MIPEP: variants seen among roughly 807,000 people sequenced by gnomAD.
MIPEP encodes the protein mitochondrial intermediate peptidase.
In MIPEP, 79 loss-of-function variants were observed where a neutral mutation model predicts 90.3. The observed-to-expected ratio is 0.87, with a 90% confidence interval of 0.73 to 1.05. The LOEUF (loss-of-function observed/expected upper bound fraction) is 1.05. MIPEP is among the 50% of genes least tolerant of loss of function. The pLI is 0.00. For synonymous variants in MIPEP, 334 were observed against 315.8 expected, an observed-to-expected ratio of 1.06 and a Z score of -0.61; for missense variants, 940 against 905.6, an observed-to-expected ratio of 1.04 and a Z score of -0.49.
chr13:23,799,123 C>T (rs1953003331), intron 16 of MIPEP, among the ~76,000 whole-genome samples: 1 of 149,138 alleles, frequency 6.7e-6, no homozygotes, highest in Non-Finnish European at 1.5e-5. Flanking sequence ...CCTGCCTCAG[C>T]CTCCCCAGTA....
chr13:23,845,202 TG>T (rs1262112670), intron 10 of MIPEP, among the ~76,000 whole-genome samples: 1 of 152,248 alleles, frequency 6.6e-6, no homozygotes, highest in Admixed American at 6.5e-5. Flanking sequence ...AAATATAACT[TG>T]GAATACTTTC....
At chr13:23,734,764 A>G (rs1860479583) in intron 18 of MIPEP, among the ~76,000 whole-genome samples, 1 of 152,004 alleles carries the variant, frequency 6.6e-6, no homozygotes, top group Non-Finnish European at 1.5e-5. Context: ...GCCAGAAGAC[A>G]TCGTCGCCCA....
At chr13:23,799,653 C>T (rs538813045) in intron 16 of MIPEP, among the ~76,000 whole-genome samples, 10 of 152,282 alleles carry the variant, frequency 6.6e-5, no homozygotes, top group African/African-American at 2.2e-4. Flanking sequence ...AATGCTAACA[C>T]GGTGTCACTA....
At chr13:23,768,111 G>A (rs965045858) in intron 16 of MIPEP, among the ~76,000 whole-genome samples, 1 of 151,360 alleles carries the variant, frequency 6.6e-6, no homozygotes, top group African/African-American at 2.4e-5. Context: ...TTGAAATGGT[G>A]AAGACTGGAA....
In MIPEP at chr13:23,817,538, C is replaced by T. The variant is rs145352097; in HGVS notation, c.1654-7614G>A. Among the ~76,000 whole-genome samples, 923 of 152,160 alleles carry T rather than the reference C, an allele frequency of 6.1e-3. 4 individuals carry two copies. Among genetic ancestry groups the T allele is most frequent in the Admixed American group, 0.013 (197 of 15,278 alleles). ...ACCAAACCTCACTGCAGTAGCCCCC[C>T]GATAAAGTCTGCCTTACTGTTCTTT... On this transcript the variant is annotated intron_variant, in intron 14 of 18. Transcript: ENST00000382172.
At chr13:23,792,197 G>C (rs1289802538) in intron 16 of MIPEP, among the ~76,000 whole-genome samples, 5 of 152,112 alleles carry the variant, frequency 3.3e-5, no homozygotes, top group Admixed American at 3.3e-4. Flanking sequence ...ATCTCACCCA[G>C]TTCCTTGGCT....
Position 23,773,659 on chromosome 13 carries a change from G to A in MIPEP, c.1849-13442C>T, listed in dbSNP as rs187050303. ...CCATCTTTTTATTATATCCATCCCA[G>A]TGGGAATGAAGTAGTCTCGCACTGT... On this transcript the variant is annotated intron_variant, in intron 16 of 18. Transcript: ENST00000382172. Among the ~76,000 whole-genome samples, 6 of 152,202 alleles carry A rather than the reference G, an allele frequency of 3.9e-5. No homozygotes were observed. In the East Asian group the frequency reaches 9.6e-4, roughly 24 times the overall value.
intron 14 of MIPEP, among the ~76,000 whole-genome samples, chr13:23,814,536 C>T (rs1358242636): frequency 6.6e-6 from 1 of 152,178 alleles, no homozygotes; most frequent in Non-Finnish European, 1.5e-5. Context: ...GCTGGGATTA[C>T]AGGTGTGAGC....
chr13:23,885,727 G>A (rs1194279710), intron 2 of MIPEP, among the ~76,000 whole-genome samples: 1 of 150,532 alleles, frequency 6.6e-6, no homozygotes, highest in African/African-American at 2.4e-5. Context: ...GTCAAAACTT[G>A]GTTTTTAATT....
chr13:23,734,831 T>C (rs1306675903), intron 18 of MIPEP, among the ~76,000 whole-genome samples: 1 of 152,168 alleles, frequency 6.6e-6, no homozygotes, highest in African/African-American at 2.4e-5. Context: ...GTAGGAGTTA[T>C]TGATAAATTA....
At chr13:23,845,511 C>T (rs905352739) in intron 10 of MIPEP, among the ~76,000 whole-genome samples, 4 of 152,216 alleles carry the variant, frequency 2.6e-5, no homozygotes, top group African/African-American at 9.7e-5. Flanking sequence ...ACTTCCCTGC[C>T]TTGGTCTGCC....
chr13:23,872,889 ATAGC>A (rs1273535899), intron 5 of MIPEP, among the ~76,000 whole-genome samples: 3 of 152,218 alleles, frequency 2.0e-5, no homozygotes, highest in African/African-American at 7.2e-5. Context: ...AAACTTGATG[ATAGC>A]TAGCATTATC....
intron 9 of MIPEP, 81 bp from the exon 10 acceptor site, chr13:23,858,993 T>C (rs1156792302): frequency 1.8e-6 from 2 of 1,109,016 alleles, no homozygotes; most frequent in Non-Finnish European, 2.7e-6. Context: ...GCCTATAGAA[T>C]GTAAACCAGC....
chr13:23,844,872 T>C (rs990142827), intron 10 of MIPEP, among the ~76,000 whole-genome samples: 1 of 152,172 alleles, frequency 6.6e-6, no homozygotes, highest in Non-Finnish European at 1.5e-5. Context: ...AATATTACAA[T>C]ATTACCCTAA....
At position 23,869,385 on chromosome 13, in the gene MIPEP, CTTCTAAACAT is replaced by C; in HGVS notation, c.840_849del (p.Cys281AsnfsTer27). On this transcript the variant is annotated frameshift_variant, in exon 7 of 19. Coordinates refer to ENST00000382172, the MANE Select transcript of MIPEP (RefSeq NM_005932.4). LOFTEE classifies it high-confidence loss of function. ...AGAAGATCTCTGCTGCTGAGCAATT[CTTCTAAACAT>C]TTCAATTGACCAGCATTGGGATAAA... 3 of 1,613,382 alleles carry C rather than the reference CTTCTAAACAT, an allele frequency of 1.9e-6. No individual in the cohort carries two copies. Among genetic ancestry groups the C allele is most frequent in the Non-Finnish European group, 2.5e-6 (3 of 1,179,834 alleles).
chr13:23,797,507 C>T (rs748213886), intron 16 of MIPEP, among the ~76,000 whole-genome samples: 67 of 152,128 alleles, frequency 4.4e-4, no homozygotes, highest in Non-Finnish European at 6.0e-4. Context: ...GTGTCATTCC[C>T]ACTCCTTCTC....
intron 16 of MIPEP, among the ~76,000 whole-genome samples, chr13:23,801,283 A>C (rs1328008685): frequency 6.6e-6 from 1 of 151,990 alleles, no homozygotes; most frequent in Non-Finnish European, 1.5e-5. Flanking sequence ...ATCCCAACCC[A>C]TATATCCAGT....
intron 18 of MIPEP, among the ~76,000 whole-genome samples, chr13:23,730,716 A>G (rs1952195029): frequency 6.6e-6 from 1 of 152,216 alleles, no homozygotes; most frequent in Non-Finnish European, 1.5e-5. Flanking sequence ...TTATTTTTGC[A>G]TATATGACTA....
chr13:23,787,133 G>A (rs949024929), intron 16 of MIPEP, among the ~76,000 whole-genome samples: 5 of 152,180 alleles, frequency 3.3e-5, no homozygotes, highest in Admixed American at 3.3e-4. Flanking sequence ...AGTGGTAAAG[G>A]TCTTAGGAAA....
Sources: allele counts gnomAD v4.1 joint callset (sites outside exome capture counted in the v4.1 genomes callset), GRCh38; gene constraint gnomAD v4.1.1; transcripts MANE v1.5; gene names NCBI Gene and HGNC (gene_info 2026-07-23, HGNC 2026-07-21).